The following SPAG16 variants were observed in gnomAD, a reference collection of about 807,000 sequenced individuals.
The protein encoded by SPAG16 is sperm-associated antigen 16 protein.
SPAG16 carries 86 observed loss-of-function variants against 80.4 expected under a neutral mutation model. That is an observed-to-expected ratio of 1.07 (90% CI 0.90 to 1.28). The LOEUF is 1.28. Among genes scored for constraint, SPAG16 ranks in the 50% most tolerant of loss-of-function variants. The pLI, the probability that SPAG16 is intolerant of heterozygous loss-of-function variation, is 0.00. For missense variants in SPAG16, 870 were observed against 765.3 expected (o/e 1.14, Z -1.61); for synonymous variants, 294 against 265.9 (o/e 1.11, Z -1.03).
At chr2:213,563,102 T>A (rs2059647477) in intron 10 of SPAG16, among the ~76,000 whole-genome samples, 1 of 152,218 alleles carries the variant, frequency 6.6e-6, no homozygotes. Context: ...TTTCCTTTTG[T>A]GTTTTATTTT....
At chr2:213,612,710 G>A (rs774115190) in intron 10 of SPAG16, among the ~76,000 whole-genome samples, 122 of 152,092 alleles carry the variant, frequency 8.0e-4, no homozygotes, top group African/African-American at 2.8e-3. Flanking sequence ...ACGCAGTTTC[G>A]CTCTTGTTGC....
chr2:213,674,514 C>G (rs1040775066), intron 10 of SPAG16, among the ~76,000 whole-genome samples: 1 of 150,482 alleles, frequency 6.6e-6, no homozygotes, highest in African/African-American at 2.5e-5. Context: ...AGGTATATCT[C>G]CCAATGCTAT....
chr2:214,029,080 A>G lies in SPAG16; in HGVS notation c.1527+15003A>G, dbSNP rs2048279524. Among the ~76,000 whole-genome samples the G allele has an allele frequency of 3.9e-5, 6 of 152,080 alleles. No homozygotes were observed. In the South Asian group the frequency reaches 1.2e-3, roughly 31 times the overall value. On this transcript the variant is annotated intron_variant, in intron 13 of 15. Transcript: ENST00000331683. ...AGGAATCAGGGAAATAATGTAAGAA[A>G]TCTTTTGCTGGTGGGGAAAAATGAT...
chr2:213,726,063 A>G (rs2066757051), intron 10 of SPAG16, among the ~76,000 whole-genome samples: 1 of 152,218 alleles, frequency 6.6e-6, no homozygotes, highest in African/African-American at 2.4e-5. Context: ...AGTGCATGCC[A>G]GCCTAATACC....
intron 15 of SPAG16, among the ~76,000 whole-genome samples, chr2:214,175,141 T>C (rs1440658212): frequency 6.6e-6 from 1 of 150,534 alleles, no homozygotes; most frequent in Admixed American, 6.7e-5. Context: ...TAGAAGGATA[T>C]GATGCAGTTT....
At position 213,746,180 on chromosome 2, in the gene SPAG16, C is replaced by G. The variant is rs866499901; in HGVS notation, c.1071-116305C>G. Among the ~76,000 whole-genome samples the G allele has an allele frequency of 2.6e-5, 4 of 152,284 alleles. No individual in the cohort carries two copies. In the South Asian group the frequency reaches 8.3e-4, roughly 32 times the overall value. ...TTGAAACCAAATATGTATTTTTCAT[C>G]ATACTTTATCCATTAAGCCACTGAA... On this transcript the variant is annotated intron_variant, in intron 10 of 15. Transcript: ENST00000331683.
chr2:213,338,845 C>T lies in SPAG16; in HGVS notation c.537-1318C>T, dbSNP rs1575256099. 2.6e-5 allele frequency among the ~76,000 whole-genome samples: 4 copies of T among 151,976 alleles called. No homozygotes were observed. In the South Asian group the frequency reaches 8.3e-4, roughly 32 times the overall value. On this transcript the variant is annotated intron_variant, in intron 5 of 15. Transcript: ENST00000331683. ...CATGGACACAGGAAAGGGAACCACA[C>T]ACACTGGCGCCTGTCAGGGGGTGGA...
chr2:214,161,510 T>G (rs1327348035), intron 15 of SPAG16, among the ~76,000 whole-genome samples: 1 of 152,174 alleles, frequency 6.6e-6, no homozygotes, highest in Non-Finnish European at 1.5e-5. Flanking sequence ...TGGCATGAGA[T>G]GGTATGTCAT....
intron 10 of SPAG16, among the ~76,000 whole-genome samples, chr2:213,560,636 G>A (rs1256928156): frequency 2.6e-5 from 4 of 152,086 alleles, no homozygotes; most frequent in Admixed American, 6.6e-5. Flanking sequence ...GGTGATATAA[G>A]TTGTATGTTT....
chr2:213,706,252 C>A (rs2065748195), intron 10 of SPAG16, among the ~76,000 whole-genome samples: 1 of 152,084 alleles, frequency 6.6e-6, no homozygotes, highest in African/African-American at 2.4e-5. Flanking sequence ...AGGCAGGAGG[C>A]AGAAAAGTGC....
chr2:213,998,514 T>C (rs2046635462), intron 12 of SPAG16, among the ~76,000 whole-genome samples: 1 of 152,184 alleles, frequency 6.6e-6, no homozygotes. Flanking sequence ...CCAATAAACC[T>C]TTTTTTCTTC....
At chr2:214,151,790 G>A (rs373533270) in intron 15 of SPAG16, among the ~76,000 whole-genome samples, 19 of 152,208 alleles carry the variant, frequency 1.2e-4, no homozygotes, top group African/African-American at 4.3e-4. Flanking sequence ...TGCTGTCTCC[G>A]CTGTGCTCTT....
Position 213,799,778 on chromosome 2 carries a change from T to A in SPAG16, c.1071-62707T>A, listed in dbSNP as rs185747807. 4.2e-3 allele frequency among the ~76,000 whole-genome samples: 645 copies of A among 152,224 alleles called. 3 individuals are homozygous for A. Among genetic ancestry groups the A allele is most frequent in the Non-Finnish European group, 7.2e-3 (488 of 68,006 alleles). ...TTGAGGATATCAAGCCAAATTGTTT[T>A]GTATAAAAGTGTTTCAGAATAAATA... On this transcript the variant is annotated intron_variant, in intron 10 of 15. Coordinates refer to ENST00000331683, the MANE Select transcript of SPAG16 (RefSeq NM_024532.5).
chr2:213,882,189 C>T (rs1380438480), intron 11 of SPAG16, among the ~76,000 whole-genome samples: 1 of 152,158 alleles, frequency 6.6e-6, no homozygotes, highest in Non-Finnish European at 1.5e-5. Flanking sequence ...CCTACTACAT[C>T]ATGGTTTGTT....
intron 5 of SPAG16, among the ~76,000 whole-genome samples, chr2:213,337,636 T>C (rs540030845): frequency 6.6e-6 from 1 of 151,978 alleles, no homozygotes; most frequent in African/African-American, 2.4e-5. Flanking sequence ...GCTTGAAGAC[T>C]ATCTTGCTGA....
chr2:214,242,843 C>T lies in SPAG16; in HGVS notation c.1720+93577C>T, dbSNP rs374005763. Among the ~76,000 whole-genome samples, 8 of 152,144 alleles carry T rather than the reference C, an allele frequency of 5.3e-5. 1 individual carries two copies. In the East Asian group the frequency reaches 1.4e-3, roughly 26 times the overall value. ...ATATGTAGCATCTTCTAATCAGATG[C>T]TAAATGTGATCTATTAACTATCACT... On this transcript the variant is annotated intron_variant, in intron 15 of 15. Transcript: ENST00000331683.
chr2:214,378,999 C>A (rs563733387), intron 15 of SPAG16, among the ~76,000 whole-genome samples: 1 of 152,292 alleles, frequency 6.6e-6, no homozygotes, highest in African/African-American at 2.4e-5. Flanking sequence ...GCAACGTGCC[C>A]AGCACCTTGG....
intron 9 of SPAG16, among the ~76,000 whole-genome samples, chr2:213,438,124 T>G (rs1239596335): frequency 6.6e-6 from 1 of 152,226 alleles, no homozygotes; most frequent in African/African-American, 2.4e-5. Flanking sequence ...TACCTTAACG[T>G]TTTGGCTTTT....
intron 15 of SPAG16, among the ~76,000 whole-genome samples, chr2:214,191,401 T>C (rs1176400358): frequency 6.6e-6 from 1 of 151,846 alleles, no homozygotes; most frequent in Admixed American, 6.6e-5. Context: ...AGTGTGATGA[T>C]GAAAACAGAA....
Sources: gnomAD v4.1 joint callset for allele counts (sites outside exome capture counted in the v4.1 genomes callset) on GRCh38, gnomAD v4.1.1 for gene constraint, MANE v1.5 for transcripts, NCBI Gene and HGNC (gene_info 2026-07-23, HGNC 2026-07-21) for gene names.